The following SRSF1 variants were observed in gnomAD, a reference collection of about 807,000 sequenced individuals.
SRSF1 encodes the protein serine and arginine rich splicing factor 1.
Under a neutral mutation model 25.9 loss-of-function variants are expected in SRSF1, and 1 was observed. The ratio of observed to expected loss-of-function variants is 0.04; its 90% CI spans 0.01 to 0.18. SRSF1 has a LOEUF of 0.18. SRSF1 is among the 10% of genes least tolerant of loss of function. The pLI is 1.00. For missense variants in SRSF1, 65 were observed against 350.5 expected (o/e 0.19, Z 6.50); for synonymous variants, 132 against 126.2 (o/e 1.05, Z -0.31).
chr17:57,992,307 C>A, the SRSF1 span: 1 of 152,124 alleles, frequency 6.6e-6, no homozygotes, highest in Admixed American at 6.5e-5. Context: ...TCATAGGCAC[C>A]AACATTCCTC....
chr17:57,991,563 T>C, the SRSF1 span: 1 of 152,178 alleles, frequency 6.6e-6, no homozygotes, highest in African/African-American at 2.4e-5. Context: ...CAAAAAGTAT[T>C]GGCCAGAAAG....
At chr17:57,993,692 G>C in the SRSF1 span, 1 of 152,150 alleles carries the variant, frequency 6.6e-6, no homozygotes, top group African/African-American at 2.4e-5. Flanking sequence ...AATTATTAAG[G>C]TACACAGGGA....
chr17:58,001,811 A>G lies in SRSF1; in HGVS notation c.*3595T>C, dbSNP rs1274468949. On this transcript the variant is annotated 3_prime_UTR_variant, in exon 4 of 4. Coordinates refer to ENST00000258962, the MANE Select transcript of SRSF1 (RefSeq NM_006924.5). ...TTAGCTGTCTGGTCATCTTAACTAC[A>G]AAACCTATGCCCCTTTACCTAAGTA... 6.6e-6 allele frequency among the ~76,000 whole-genome samples: 1 copy of G among 152,192 alleles called. No individual in the cohort carries two copies. The highest frequency in any genetic ancestry group is 1.5e-5 in the Non-Finnish European group (1 of 68,020).
At chr17:57,990,845 C>G in the SRSF1 span, 2 of 152,364 alleles carry the variant, frequency 1.3e-5, no homozygotes, top group Admixed American at 1.3e-4. Flanking sequence ...CCTCTCTCCT[C>G]CTCCCACACT....
downstream of SRSF1, among the ~76,000 whole-genome samples, chr17:57,997,593 TAAGG>T (rs1177230658): frequency 1.3e-5 from 2 of 152,216 alleles, no homozygotes; most frequent in African/African-American, 4.8e-5. Flanking sequence ...TAACTCATAT[TAAGG>T]GAGTGACATG....
the SRSF1 span, chr17:57,992,944 C>T: frequency 6.6e-6 from 1 of 152,280 alleles, no homozygotes; most frequent in African/African-American, 2.4e-5. Context: ...ACTGACATGA[C>T]CTCATGACTA....
Position 58,003,710 on chromosome 17 carries a change from G to A in SRSF1, c.*1696C>T, listed in dbSNP as rs1286000913. Reference sequence around the variant, plus strand: ...CTCCAGCGTTTATCTCCAGGTCCTCGCTTTGCTCCTTTTACCAAAAAACGC... The same window carrying A: ...CTCCAGCGTTTATCTCCAGGTCCTCACTTTGCTCCTTTTACCAAAAAACGC... On this transcript the variant is annotated 3_prime_UTR_variant, in exon 4 of 4. Transcript: ENST00000258962. 6.6e-6 allele frequency: 1 copy of A among 152,082 alleles called. No homozygotes were observed. Among genetic ancestry groups the A allele is most frequent in the Non-Finnish European group, 1.5e-5 (1 of 67,978 alleles). The allele number at this position is 152,082 out of a possible 1,614,324, so 9.4% of individuals were successfully genotyped here.
intron 2 of SRSF1, 146 bp from the exon 3 acceptor site, chr17:58,006,119 G>C (rs2075425359): frequency 7.1e-6 from 7 of 984,886 alleles, no homozygotes; most frequent in Non-Finnish European, 1.0e-5. Flanking sequence ...TAAGATTCTG[G>C]AATCCAGAGT....
In SRSF1 at chr17:58,003,079, TGA is replaced by T. The variant is rs1251837798; in HGVS notation, c.*2325_*2326del. 3.3e-5 allele frequency among the ~76,000 whole-genome samples: 5 copies of T among 152,260 alleles called. No homozygotes were observed. The highest frequency in any genetic ancestry group is 1.2e-4 in the African/African-American group (5 of 41,468). On this transcript the variant is annotated 3_prime_UTR_variant, in exon 4 of 4. Transcript: ENST00000258962. The stretch of plus-strand genomic sequence containing the variant: ...ATTTAATACTTACCTTTTTTTGAGA[TGA>T]GTTTCATTGAGAATATCAAAAGCTA...
chr17:58,007,227 C>G lies in SRSF1; in HGVS notation c.-90G>C. The G allele has an allele frequency of 1.3e-6, 2 of 1,484,632 alleles. No individual in the cohort carries two copies. The highest frequency in any genetic ancestry group is 9.2e-7 in the Non-Finnish European group (1 of 1,089,014). 92.0% of individuals were successfully genotyped at this position (1,484,632 alleles called of 1,614,324 possible). On this transcript the variant is annotated 5_prime_UTR_variant, in exon 1 of 4. Transcript: ENST00000258962. ...GAGCCCGCAGCGGCACCACGTCTCC[C>G]GCGGCCCCTCCAAAATGGCGCCTTT...
the SRSF1 span, chr17:57,994,794 T>C: frequency 6.6e-6 from 1 of 152,188 alleles, no homozygotes; most frequent in African/African-American, 2.4e-5. Flanking sequence ...ATGTGGACTC[T>C]CCTTAGAAAA....
chr17:57,992,291 ACATACT>A, the SRSF1 span: 1 of 152,198 alleles, frequency 6.6e-6, no homozygotes, highest in African/African-American at 2.4e-5. Flanking sequence ...CAACTGGAAA[ACATACT>A]CATAGGCACC....
chr17:57,990,257 T>TA, the SRSF1 span: 1 of 152,230 alleles, frequency 6.6e-6, no homozygotes, highest in South Asian at 2.1e-4. Flanking sequence ...TAACAGGAAA[T>TA]AGAGGTCAAG....
At position 58,002,686 on chromosome 17, in the gene SRSF1, T is replaced by C. The variant is rs956767501; in HGVS notation, c.*2720A>G. Among the ~76,000 whole-genome samples the C allele has an allele frequency of 2.6e-5, 4 of 152,202 alleles. No homozygotes were observed. The highest frequency in any genetic ancestry group is 4.4e-5 in the Non-Finnish European group (3 of 68,048). On this transcript the variant is annotated 3_prime_UTR_variant, in exon 4 of 4. Transcript: ENST00000258962. ...AAGAAGCAGTTAATCTTGTGCACTC[T>C]TCCCTTTCAAAAAAGAAATGAGACT... is the stretch of plus-strand genomic sequence containing the variant.
At chr17:57,989,214 G>GCCTGTATGATGATGTCCTGAAC in the SRSF1 span, 1 of 398,600 alleles carries the variant, frequency 2.5e-6, no homozygotes, top group Non-Finnish European at 4.4e-6. Flanking sequence ...TAGATGAGGA[G>GCCTGTATGATGATGTCCTGAAC]CCTGTATGAT....
chr17:57,999,137 T>C (rs144058989), downstream of SRSF1, among the ~76,000 whole-genome samples: 1,470 of 152,224 alleles, frequency 9.7e-3, 15 homozygotes, highest in Middle Eastern at 0.044. Context: ...GCCTAGAAAA[T>C]AGAAAACAGC....
downstream of SRSF1, among the ~76,000 whole-genome samples, chr17:57,996,490 A>AAAAAAAC (rs2075365503): frequency 6.6e-6 from 1 of 150,666 alleles, no homozygotes; most frequent in Admixed American, 6.6e-5. Context: ...TCTTAAAAAA[A>AAAAAAAC]AAAAAAAAAA....
the SRSF1 span, chr17:57,994,024 G>C: frequency 6.6e-6 from 1 of 152,174 alleles, no homozygotes; most frequent in Non-Finnish European, 1.5e-5. Flanking sequence ...CTGGTACAAA[G>C]ACCAGAAACA....
chr17:57,992,462 AG>A, the SRSF1 span: 1 of 152,182 alleles, frequency 6.6e-6, no homozygotes, highest in Non-Finnish European at 1.5e-5. Context: ...TTGTGCTAAC[AG>A]TAAAAGTAGT....
Sources: allele counts gnomAD v4.1 joint callset (sites outside exome capture counted in the v4.1 genomes callset), GRCh38; gene constraint gnomAD v4.1.1; transcripts MANE v1.5; gene names NCBI Gene and HGNC (gene_info 2026-07-23, HGNC 2026-07-21).